The following FOXP1 variants were observed in gnomAD, a reference collection of about 807,000 sequenced individuals.
FOXP1 encodes the protein forkhead box protein P1.
FOXP1 carries 15 observed loss-of-function variants against 98.2 expected under a neutral mutation model. That is an observed-to-expected ratio of 0.15 (90% CI 0.10 to 0.24). The LOEUF is 0.24. Among genes scored for constraint, FOXP1 ranks in the 10% least tolerant of loss-of-function variants. FOXP1 has a pLI of 1.00. For synonymous variants in FOXP1, 371 were observed against 314.5 expected, an observed-to-expected ratio of 1.18 and a Z score of -1.90; for missense variants, 633 against 848.5, an observed-to-expected ratio of 0.75 and a Z score of 3.15.
At chr3:71,290,288 G>A (rs1316001475) in intron 5 of FOXP1, among the ~76,000 whole-genome samples, 1 of 152,174 alleles carries the variant, frequency 6.6e-6, no homozygotes, top group East Asian at 1.9e-4. Context: ...CAATCCATCA[G>A]TGAATCCTAT....
intron 5 of FOXP1, among the ~76,000 whole-genome samples, chr3:71,232,877 C>CAAAAAAAAAAAAAAAAA (rs59404230): frequency 0.018 from 571 of 31,316 alleles, 83 homozygotes; most frequent in Non-Finnish European, 0.026. Context: ...AACTCTGTCT[C>CAAAAAAAAAAAAAAAAA]AAAAAAAAAA....
intron 3 of FOXP1, among the ~76,000 whole-genome samples, chr3:71,470,699 C>A (rs1223099961): frequency 6.6e-6 from 1 of 152,196 alleles, no homozygotes; most frequent in Admixed American, 6.5e-5. Context: ...TATCACACCA[C>A]TGCCCTCCAG....
intron 1 of FOXP1, among the ~76,000 whole-genome samples, chr3:71,583,038 G>GC (rs1483110944): frequency 1.3e-5 from 2 of 151,682 alleles, no homozygotes; most frequent in African/African-American, 4.8e-5. Context: ...CCCGGCGCGC[G>GC]CCCCCTCCCG....
At chr3:70,978,148 G>A (rs2037993198) in intron 14 of FOXP1, 119 bp from the exon 15 acceptor site, 1 of 802,548 alleles carries the variant, frequency 1.2e-6, no homozygotes, top group African/African-American at 1.7e-5. Context: ...CTATGTAGAT[G>A]GTATGTTTAC....
At chr3:71,397,074 ACATATATATGTG>A (rs2081548918) in intron 3 of FOXP1, among the ~76,000 whole-genome samples, 1 of 62,892 alleles carries the variant, frequency 1.6e-5, no homozygotes, top group African/African-American at 6.7e-5. Context: ...ATATATATAT[ACATATATATGTG>A]TATATATATA....
chr3:71,057,729 A>C (rs763392790), intron 7 of FOXP1, among the ~76,000 whole-genome samples: 70 of 152,114 alleles, frequency 4.6e-4, no homozygotes, highest in Admixed American at 4.6e-4. Flanking sequence ...GGAAATCATG[A>C]ATTAAAAAAA....
At chr3:71,201,186 A>G (rs1485339361) in intron 5 of FOXP1, among the ~76,000 whole-genome samples, 1 of 152,234 alleles carries the variant, frequency 6.6e-6, no homozygotes, top group African/African-American at 2.4e-5. Context: ...GCGTCTATCA[A>G]AAATAACCAA....
At chr3:71,045,860 T>C (rs547267633) in intron 10 of FOXP1, among the ~76,000 whole-genome samples, 12 of 152,320 alleles carry the variant, frequency 7.9e-5, no homozygotes, top group African/African-American at 2.6e-4. Flanking sequence ...GTTTCCACAT[T>C]TTTAACCTTC....
chr3:71,086,334 C>G (rs1300982804), intron 7 of FOXP1, among the ~76,000 whole-genome samples: 1 of 152,180 alleles, frequency 6.6e-6, no homozygotes, highest in Admixed American at 6.5e-5. Context: ...TTCTAGCTTA[C>G]TTATCTAGGA....
chr3:71,571,752 T>G (rs953301666), intron 2 of FOXP1: 2 of 152,250 alleles, frequency 1.3e-5, no homozygotes, highest in South Asian at 2.1e-4. Context: ...ATGAACAGTG[T>G]ATTATTTATC....
intron 6 of FOXP1, among the ~76,000 whole-genome samples, chr3:71,121,375 A>T (rs553035135): frequency 1.3e-5 from 2 of 149,598 alleles, no homozygotes; most frequent in East Asian, 4.3e-4. Context: ...ACCAGAAAAA[A>T]AAAAGGGGGG....
In FOXP1 at chr3:71,079,595, A is replaced by G. The variant is rs978848666; in HGVS notation, c.283-25822T>C. ...AAATGTGTGCACTCCAATGTTTCAC[A>G]ACATCTAAACTGGGGTGCTATTGTT... On this transcript the variant is annotated intron_variant, in intron 7 of 20. Coordinates refer to ENST00000649528, the MANE Select transcript of FOXP1 (RefSeq NM_001349338.3). Among the ~76,000 whole-genome samples, 3 of 152,230 alleles carry G rather than the reference A, an allele frequency of 2.0e-5. No homozygotes were observed. The East Asian group carries it at 5.8e-4, about 29-fold the overall frequency.
intron 3 of FOXP1, among the ~76,000 whole-genome samples, chr3:71,469,017 G>A (rs906159270): frequency 1.3e-5 from 2 of 152,172 alleles, no homozygotes; most frequent in African/African-American, 2.4e-5. Flanking sequence ...CAATTCCACC[G>A]GCGCTGGGTG....
intron 3 of FOXP1, among the ~76,000 whole-genome samples, chr3:71,407,262 T>C (rs1432448177): frequency 6.6e-6 from 1 of 152,180 alleles, no homozygotes; most frequent in Non-Finnish European, 1.5e-5. Context: ...TTCAGTAGTG[T>C]ATGTTTCACT....
At chr3:71,583,807 TGGC>T (rs535627863), upstream of FOXP1, 32 of 986,250 alleles carry the variant, frequency 3.2e-5, no homozygotes, top group Middle Eastern at 5.2e-4. Context: ...CCAGCGCCGG[TGGC>T]GGCGGCGGCG....
intron 11 of FOXP1, among the ~76,000 whole-genome samples, chr3:71,020,875 T>C (rs1437350429): frequency 6.6e-6 from 1 of 152,184 alleles, no homozygotes; most frequent in East Asian, 1.9e-4. Flanking sequence ...TACGTACATC[T>C]GTGCCCATTA....
chr3:71,062,762 T>C (rs574239419), intron 7 of FOXP1, among the ~76,000 whole-genome samples: 3 of 152,338 alleles, frequency 2.0e-5, no homozygotes, highest in East Asian at 3.9e-4. Flanking sequence ...AACAAAGTTC[T>C]TAAGGCAAAC....
chr3:71,035,883 T>C (rs1372386505), intron 11 of FOXP1, among the ~76,000 whole-genome samples: 1 of 152,182 alleles, frequency 6.6e-6, no homozygotes, highest in Non-Finnish European at 1.5e-5. Flanking sequence ...AGTTAAAGGC[T>C]TGTGTATCTG....
At chr3:71,103,118 G>A (rs2057114185) in intron 7 of FOXP1, among the ~76,000 whole-genome samples, 1 of 152,104 alleles carries the variant, frequency 6.6e-6, no homozygotes, top group African/African-American at 2.4e-5. Context: ...TTTTTCTAAT[G>A]TCAGGGTAGG....
Sources: gnomAD v4.1 joint callset for allele counts (sites outside exome capture counted in the v4.1 genomes callset) on GRCh38, gnomAD v4.1.1 for gene constraint, MANE v1.5 for transcripts, NCBI Gene and HGNC (gene_info 2026-07-23, HGNC 2026-07-21) for gene names.